Variants in ELK3 observed in about 807,000 individuals in gnomAD.
ELK3 encodes ETS domain-containing protein Elk-3.
Under a neutral mutation model 28.9 loss-of-function variants are expected in ELK3, and 10 were observed. The ratio of observed to expected loss-of-function variants is 0.35; its 90% CI spans 0.21 to 0.59. The LOEUF is 0.59. Among genes scored for constraint, ELK3 ranks in the 20% least tolerant of loss-of-function variants. The pLI, the probability that ELK3 is intolerant of heterozygous loss-of-function variation, is 0.82. For synonymous variants in ELK3, 272 were observed against 243.5 expected (o/e 1.12, Z -1.09); for missense variants, 463 against 517.3 (o/e 0.90, Z 1.02).
At chr12:96,200,565 A>G (rs1951502095) in intron 1 of ELK3, among the ~76,000 whole-genome samples, 1 of 151,720 alleles carries the variant, frequency 6.6e-6, no homozygotes, top group Admixed American at 6.6e-5. Flanking sequence ...TGGCACTGTC[A>G]TAGCTCAGTG....
chr12:96,217,998 C>T (rs949160844), intron 1 of ELK3, among the ~76,000 whole-genome samples: 2 of 151,998 alleles, frequency 1.3e-5, no homozygotes, highest in Non-Finnish European at 2.9e-5. Context: ...TTTTCCTCCT[C>T]CTCCTTTAAA....
chr12:96,210,489 C>T (rs936708050), intron 1 of ELK3, among the ~76,000 whole-genome samples: 28 of 151,872 alleles, frequency 1.8e-4, no homozygotes, highest in African/African-American at 6.5e-4. Context: ...TGTTTGGGGC[C>T]CCTCTTGGGC....
chr12:96,215,379 A>C (rs538623570), intron 1 of ELK3, among the ~76,000 whole-genome samples: 1 of 152,312 alleles, frequency 6.6e-6, no homozygotes, highest in South Asian at 2.1e-4. Context: ...TGTGGCCGAC[A>C]GGAAGGAGGT....
At chr12:96,205,734 C>T (rs1382680604) in intron 1 of ELK3, among the ~76,000 whole-genome samples, 9 of 152,158 alleles carry the variant, frequency 5.9e-5, no homozygotes, top group East Asian at 1.9e-4. Context: ...GATTAAACTC[C>T]GGGCAGAGAG....
In ELK3 at chr12:96,247,250, G is replaced by C. The variant is rs1951863843; in HGVS notation, c.518G>C (p.Ser173Thr). 3.7e-6 allele frequency: 6 copies of C among 1,614,054 alleles called. No individual in the cohort carries two copies. The Middle Eastern group carries it at 9.9e-4, about 266-fold the overall frequency. Residue 173 changes from serine to threonine, a missense_variant, in exon 3 of 5, where the codon AGC becomes ACC. Physicochemically the swap from Ser to Thr is moderately conservative, Grantham distance 58 (BLOSUM62 1). Transcript: ENST00000228741. This position sits in a 1 kb window ranked among gnomAD's most constrained non-coding sequence, Gnocchi z 5.5. ...TEKLEEPPEDSPPVEEVRTVI... is the reference protein window; with the variant it reads ...TEKLEEPPEDTPPVEEVRTVI... Reference sequence around the variant, plus strand: ...AAGCTGGAGGAGCCGCCCGAAGACAGCCCCCCCGTGGAAGAAGTCAGGACT... The same window carrying C: ...AAGCTGGAGGAGCCGCCCGAAGACACCCCCCCCGTGGAAGAAGTCAGGACT...
Position 96,228,442 on chromosome 12 carries a change from A to AAAAAAAAAAAAAAAAAG in ELK3, c.207+4671_207+4672insAAAAAAAAAAAAAAGAA, listed in dbSNP as rs761298726. ...AAAAAAAAAAAAAAAAAAAAAAAAA[A>AAAAAAAAAAAAAAAAAG]AAGAAGATCAAAACCTTTGTTGCTA... On this transcript the variant is annotated intron_variant, in intron 2 of 4. Coordinates refer to ENST00000228741, the MANE Select transcript of ELK3 (RefSeq NM_005230.4). Among the ~76,000 whole-genome samples the AAAAAAAAAAAAAAAAAG allele has an allele frequency of 7.2e-4, 103 of 142,614 alleles. 1 individual carries two copies. The highest frequency in any genetic ancestry group is 3.1e-3 in the Admixed American group (41 of 13,396). The allele number at this position is 142,614 out of a possible 152,430, so 93.6% of individuals were successfully genotyped here.
chr12:96,231,168 A>G (rs901308546), intron 2 of ELK3, among the ~76,000 whole-genome samples: 1 of 152,180 alleles, frequency 6.6e-6, no homozygotes, highest in African/African-American at 2.4e-5. Flanking sequence ...AAGCCCTAGG[A>G]GATAGGTTTG....
intron 3 of ELK3, among the ~76,000 whole-genome samples, chr12:96,250,014 G>C (rs1203293177): frequency 1.3e-5 from 2 of 152,194 alleles, no homozygotes; most frequent in African/African-American, 4.8e-5. Context: ...AGGAAGCCCA[G>C]AAATGGTCCT....
Position 96,223,493 on chromosome 12 carries a change from G to GC in ELK3, c.-2-67dup, listed in dbSNP as rs1048783479. ...GGACAGCTGAGTTGCCCATTCTGAA[G>GC]CCCCCTCTCTCCTCGCCAAGTTTGG... On this transcript the variant is annotated intron_variant, in intron 1 of 4. Coordinates refer to ENST00000228741, the MANE Select transcript of ELK3 (RefSeq NM_005230.4). 7 of 1,486,872 alleles carry GC rather than the reference G, an allele frequency of 4.7e-6. No individual in the cohort carries two copies. In the African/African-American group the frequency reaches 6.9e-5, roughly 15 times the overall value. The allele number at this position is 1,486,872 out of a possible 1,614,324, so 92.1% of individuals were successfully genotyped here.
intron 1 of ELK3, among the ~76,000 whole-genome samples, chr12:96,221,126 A>G (rs1474439869): frequency 6.6e-6 from 1 of 152,110 alleles, no homozygotes; most frequent in Non-Finnish European, 1.5e-5. Context: ...CTCCTCCCAC[A>G]GCCACTCCAG....
At chr12:96,197,349 A>G (rs1056090987) in intron 1 of ELK3, among the ~76,000 whole-genome samples, 1 of 152,188 alleles carries the variant, frequency 6.6e-6, no homozygotes, top group Non-Finnish European at 1.5e-5. Flanking sequence ...TAACCAGTCA[A>G]CAATGCACAA....
rs200029175 is a variant in ELK3, at chr12:96,246,986, T to G, written c.254T>G (p.Val85Gly). The stretch of plus-strand genomic sequence containing the variant: ...GGGCAGAAGTTTGTGTACAAGTTTG[T>G]CTCTTTCCCGGAGATCCTGAAGATG... The part of the protein sequence containing the change: ...VIGQKFVYKF[V>G]SFPEILKMDP... Residue 85 changes from valine to glycine, a missense_variant, in exon 3 of 5, where the codon GTC becomes GGC. By Grantham distance (109) the Val-to-Gly change is moderately radical. Transcript: ENST00000228741. 6.2e-7 allele frequency: 1 copy of G among 1,612,202 alleles called. No homozygotes were observed. The highest frequency in any genetic ancestry group is 2.2e-5 in the East Asian group (1 of 44,842).
chr12:96,204,592 ACAG>A (rs964704703), intron 1 of ELK3, among the ~76,000 whole-genome samples: 2 of 152,288 alleles, frequency 1.3e-5, no homozygotes, highest in South Asian at 2.1e-4. Context: ...TACATCAACA[ACAG>A]CAGCAGCAGC....
intron 4 of ELK3, among the ~76,000 whole-genome samples, chr12:96,263,716 C>G (rs755149711): frequency 6.6e-6 from 1 of 152,080 alleles, no homozygotes; most frequent in Non-Finnish European, 1.5e-5. Flanking sequence ...GGATTTCGAT[C>G]GAGTACATTT....
intron 2 of ELK3, among the ~76,000 whole-genome samples, chr12:96,234,819 G>A (rs1951769254): frequency 6.6e-6 from 1 of 152,182 alleles, no homozygotes; most frequent in East Asian, 1.9e-4. Context: ...GACTAAGAGT[G>A]TTGACCCCCA....
At chr12:96,257,895 T>C (rs1951963270) in intron 3 of ELK3, among the ~76,000 whole-genome samples, 1 of 152,256 alleles carries the variant, frequency 6.6e-6, no homozygotes, top group Non-Finnish European at 1.5e-5. Context: ...TCATGTATAC[T>C]TTCAATTAAT....
At chr12:96,243,149 T>C (rs1336389295) in intron 2 of ELK3, among the ~76,000 whole-genome samples, 1 of 152,200 alleles carries the variant, frequency 6.6e-6, no homozygotes, top group Non-Finnish European at 1.5e-5. Flanking sequence ...TTCTTTTCTT[T>C]AAAAACCAGC....
At position 96,246,984 on chromosome 12, in the gene ELK3, T is replaced by C. The variant is rs777640227; in HGVS notation, c.252T>C (p.Phe84=). 1.9e-6 allele frequency: 3 copies of C among 1,612,094 alleles called. No homozygotes were observed. The highest frequency in any genetic ancestry group is 2.5e-6 in the Non-Finnish European group (3 of 1,178,832). The part of the protein sequence containing the change: ...KVIGQKFVYK[F]VSFPEILKMD... Reference sequence around the variant, plus strand: ...TCGGGCAGAAGTTTGTGTACAAGTTTGTCTCTTTCCCGGAGATCCTGAAGA... The same window carrying C: ...TCGGGCAGAAGTTTGTGTACAAGTTCGTCTCTTTCCCGGAGATCCTGAAGA... The change falls in exon 3 of 5, where the codon TTT becomes TTC. Residue 84 remains phenylalanine, a synonymous_variant. Transcript: ENST00000228741.
intron 2 of ELK3, among the ~76,000 whole-genome samples, chr12:96,240,204 C>G (rs1951810968): frequency 6.6e-6 from 1 of 152,166 alleles, no homozygotes; most frequent in Non-Finnish European, 1.5e-5. Flanking sequence ...TGCAACTGAT[C>G]ATGTTACCCA....
Sources: allele counts gnomAD v4.1 joint callset (sites outside exome capture counted in the v4.1 genomes callset), GRCh38; gene constraint gnomAD v4.1.1; non-coding constraint Gnocchi (gnomAD v3.1); transcripts MANE v1.5; gene names NCBI Gene and HGNC (gene_info 2026-07-23, HGNC 2026-07-21).